ZNF496: variants seen among roughly 807,000 people sequenced by gnomAD.
The protein encoded by ZNF496 is NSD1 (nuclear receptor binding SET-domain containing 1)-interacting zinc finger protein 1.
In ZNF496, 11 loss-of-function variants were observed where a neutral mutation model predicts 58.9. That is an observed-to-expected ratio of 0.19 (90% CI 0.12 to 0.31). The LOEUF (loss-of-function observed/expected upper bound fraction) is 0.31, where lower values mean the gene tolerates loss of function less well. Among genes scored for constraint, ZNF496 ranks in the 10% least tolerant of loss-of-function variants. The pLI is 1.00. For synonymous variants in ZNF496, 338 were observed against 318.2 expected (o/e 1.06, Z -0.66); for missense variants, 660 against 783.0 (o/e 0.84, Z 1.88).
At chr1:247,310,633 G>A (rs1266146076) in intron 6 of ZNF496, 177 bp from the exon 7 acceptor site, 4 of 753,398 alleles carry the variant, frequency 5.3e-6, no homozygotes, top group South Asian at 3.8e-5. Flanking sequence ...AGCAGGCTGG[G>A]TGCCTGGTGA....
At chr1:247,307,325 T>A (rs1287371407) in intron 9 of ZNF496, 1 of 985,446 alleles carries the variant, frequency 1.0e-6, no homozygotes, top group African/African-American at 1.7e-5. Context: ...GGCTTCTGGC[T>A]GTTTCAGAGC....
intron 7 of ZNF496, 139 bp downstream of exon 7, chr1:247,310,185 C>A: frequency 6.8e-7 from 1 of 1,480,518 alleles, no homozygotes; most frequent in Non-Finnish European, 9.0e-7. Context: ...GACCTCCTGT[C>A]CAGGTTGGGG....
At chr1:247,307,429 G>A (rs1399100260) in intron 9 of ZNF496, 2 of 985,278 alleles carry the variant, frequency 2.0e-6, no homozygotes, top group Non-Finnish European at 2.4e-6. Flanking sequence ...TATTGATGGG[G>A]CTGAGAGACA....
At chr1:247,311,524 A>C (rs888364637) in intron 6 of ZNF496, 2 of 152,560 alleles carry the variant, frequency 1.3e-5, no homozygotes, top group Admixed American at 6.5e-5. Context: ...GAAACAGAAA[A>C]AAAGAAAAGG....
rs1452764650 is a variant in ZNF496, at chr1:247,309,328, G to A, written c.892+371C>T. 6 of 1,013,374 alleles carry A rather than the reference G, an allele frequency of 5.9e-6. No individual in the cohort carries two copies. In the East Asian group the frequency reaches 2.5e-4, roughly 42 times the overall value. 62.8% of individuals were successfully genotyped at this position (1,013,374 alleles called of 1,614,324 possible). A position where few individuals can be genotyped will look rare whatever the true frequency, so the allele number is the denominator to read the frequency against. On this transcript the variant is annotated intron_variant, in intron 8 of 9. Coordinates refer to ENST00000682384, the MANE Select transcript of ZNF496 (RefSeq NM_032752.3). The surrounding 1 kb of genome is among the most constrained non-coding windows in gnomAD (Gnocchi z 4.3). The stretch of plus-strand genomic sequence containing the variant: ...CAGGTGAGGCACCTCAAAGGGCTGC[G>A]CTCGGTGCCCAGTTAGGAGACACTC...
At chr1:247,328,620 G>T in intron 5 of ZNF496, 63 bp downstream of exon 5, 1 of 1,436,496 alleles carries the variant, frequency 7.0e-7, no homozygotes, top group Non-Finnish European at 9.2e-7. Flanking sequence ...ACCACACCCA[G>T]TGCACAGTAT....
At position 247,301,767 on chromosome 1, in the gene ZNF496, T is replaced by C. The variant is rs899689585; in HGVS notation, c.1007-491A>G. On this transcript the variant is annotated intron_variant, in intron 9 of 9. Transcript: ENST00000682384. ...TCCAGGGACTGTGCTAGACTTGACA[T>C]GCACATTCCTATTTGCTCCTGGACG... is the stretch of plus-strand genomic sequence containing the variant. Among the ~76,000 whole-genome samples, 7 of 152,194 alleles carry C rather than the reference T, an allele frequency of 4.6e-5. No homozygotes were observed. In the East Asian group the frequency reaches 1.2e-3, roughly 25 times the overall value.
chr1:247,305,136 G>A (rs564894641), intron 9 of ZNF496, among the ~76,000 whole-genome samples: 7 of 152,154 alleles, frequency 4.6e-5, no homozygotes, highest in South Asian at 2.1e-4. Context: ...TGAACATGAC[G>A]ACATATGGGT....
chr1:247,318,507 C>T (rs1350935013), intron 6 of ZNF496, among the ~76,000 whole-genome samples: 1 of 152,142 alleles, frequency 6.6e-6, no homozygotes, highest in Non-Finnish European at 1.5e-5. Flanking sequence ...AAAATAATAC[C>T]TTCCTTACAG....
At chr1:247,324,840 C>A (rs912182831) in intron 5 of ZNF496, among the ~76,000 whole-genome samples, 5 of 152,194 alleles carry the variant, frequency 3.3e-5, no homozygotes, top group African/African-American at 9.7e-5. Flanking sequence ...GACCCTCATA[C>A]AAAATGTAAA....
At position 247,329,085 on chromosome 1, in the gene ZNF496, G is replaced by T; in HGVS notation, c.390+104C>A. ...AGTCTGGACCTAACCAAAGTAAATG[G>T]CTCTCGATGGAACTCCTCATTCCCC... On this transcript the variant is annotated intron_variant, in intron 4 of 9. Coordinates refer to ENST00000682384, the MANE Select transcript of ZNF496 (RefSeq NM_032752.3). The surrounding 1 kb of genome is among the most constrained non-coding windows in gnomAD (Gnocchi z 5.5). 6.4e-7 allele frequency: 1 copy of T among 1,558,134 alleles called. No individual in the cohort carries two copies.
At chr1:247,326,735 T>C (rs534319198) in intron 5 of ZNF496, among the ~76,000 whole-genome samples, 14 of 152,280 alleles carry the variant, frequency 9.2e-5, no homozygotes, top group Admixed American at 6.5e-4. Context: ...ATAGGGTCTT[T>C]AAAGAGGTCA....
At position 247,322,783 on chromosome 1, in the gene ZNF496, T is replaced by G. The variant is rs116211170; in HGVS notation, c.651+371A>C. On this transcript the variant is annotated intron_variant, in intron 6 of 9. Transcript: ENST00000682384. The stretch of plus-strand genomic sequence containing the variant: ...TTCTAAAATATAACCATTGCTGCGA[T>G]GATTATTAAATTGAAAAATTCTCTG... The G allele has an allele frequency of 6.0e-3, 7,786 of 1,297,682 alleles. 39 individuals are homozygous for G. Among genetic ancestry groups the G allele is most frequent in the Non-Finnish European group, 7.2e-3 (7,186 of 994,158 alleles). 80.4% of individuals were successfully genotyped at this position (1,297,682 alleles called of 1,614,324 possible).
intron 6 of ZNF496, among the ~76,000 whole-genome samples, chr1:247,316,537 G>A (rs1481119213): frequency 6.6e-6 from 1 of 152,090 alleles, no homozygotes; most frequent in Non-Finnish European, 1.5e-5. Context: ...GTGACGCCCT[G>A]CACCCACCTC....
chr1:247,303,869 T>C (rs1659323067), intron 9 of ZNF496, among the ~76,000 whole-genome samples: 1 of 152,016 alleles, frequency 6.6e-6, no homozygotes, highest in Non-Finnish European at 1.5e-5. Context: ...GGCTCATCAT[T>C]TGTTAAAGAG....
At chr1:247,325,805 G>A (rs1660101445) in intron 5 of ZNF496, among the ~76,000 whole-genome samples, 1 of 152,020 alleles carries the variant, frequency 6.6e-6, no homozygotes, top group African/African-American at 2.4e-5. Flanking sequence ...AGGAGGTGGT[G>A]TTTTAGTTCT....
At position 247,309,559 on chromosome 1, in the gene ZNF496, C is replaced by T; in HGVS notation, c.892+140G>A. On this transcript the variant is annotated intron_variant, in intron 8 of 9. Transcript: ENST00000682384. This position sits in a 1 kb window ranked among gnomAD's most constrained non-coding sequence, Gnocchi z 4.3. ...ATGAAAAGTCAGGGACAAGGCAAGACATGCAAGACCCACATAGAGTCTGGG... is the reference window on the plus strand; with the variant it reads ...ATGAAAAGTCAGGGACAAGGCAAGATATGCAAGACCCACATAGAGTCTGGG... 1 of 1,437,404 alleles carries T rather than the reference C, an allele frequency of 7.0e-7. No homozygotes were observed. Among genetic ancestry groups the T allele is most frequent in the South Asian group, 1.6e-5 (1 of 64,456 alleles). 89.0% of individuals were successfully genotyped at this position (1,437,404 alleles called of 1,614,324 possible). A position where few individuals can be genotyped will look rare whatever the true frequency, so the allele number is the denominator to read the frequency against.
At position 247,309,924 on chromosome 1, in the gene ZNF496, C is replaced by T. The variant is rs371590374; in HGVS notation, c.785-118G>A. 62 of 1,372,506 alleles carry T rather than the reference C, an allele frequency of 4.5e-5. No individual in the cohort carries two copies. The highest frequency in any genetic ancestry group is 3.2e-5 in the Non-Finnish European group (33 of 1,016,944). 85.0% of individuals were successfully genotyped at this position (1,372,506 alleles called of 1,614,324 possible). Reference sequence around the variant, plus strand: ...CCAGCGGGCATGGCACCATCAGGGGCGAGAAGTGAAAAGGCCAGAGCTGGC... The same window carrying T: ...CCAGCGGGCATGGCACCATCAGGGGTGAGAAGTGAAAAGGCCAGAGCTGGC... On this transcript the variant is annotated intron_variant, in intron 7 of 9. Transcript: ENST00000682384. This position sits in a 1 kb window ranked among gnomAD's most constrained non-coding sequence, Gnocchi z 4.3.
intron 6 of ZNF496, among the ~76,000 whole-genome samples, chr1:247,315,064 T>TTC (rs1458194934): frequency 1.2e-5 from 1 of 83,028 alleles, no homozygotes; most frequent in Non-Finnish European, 2.7e-5. Flanking sequence ...ACTAGTCTTT[T>TTC]TTTTTTTTTT....
Sources: allele counts gnomAD v4.1 joint callset (sites outside exome capture counted in the v4.1 genomes callset), GRCh38; gene constraint gnomAD v4.1.1; non-coding constraint Gnocchi (gnomAD v3.1); transcripts MANE v1.5; gene names NCBI Gene and HGNC (gene_info 2026-07-23, HGNC 2026-07-21).